NBAS: variants seen among roughly 807,000 people sequenced by gnomAD.
NBAS encodes NBAS subunit of NRZ tethering complex.
Under a neutral mutation model 302.5 loss-of-function variants are expected in NBAS, and 219 were observed. The observed-to-expected ratio is 0.72, with a 90% CI of 0.65 to 0.81. The LOEUF (loss-of-function observed/expected upper bound fraction) is 0.81, where lower values mean the gene tolerates loss of function less well. NBAS is among the 30% of genes least tolerant of loss of function. NBAS has a pLI of 0.00. For missense variants in NBAS, 2,932 were observed against 2,841.6 expected (o/e 1.03, Z -0.72); for synonymous variants, 1,118 against 1,021.6 (o/e 1.09, Z -1.80).
the NBAS span, among the ~76,000 whole-genome samples, chr2:14,925,698 A>G: frequency 0.11 from 16,681 of 152,166 alleles, 1,002 homozygotes; most frequent in African/African-American, 0.15. Flanking sequence ...ATGGTTTATC[A>G]CTGCCTCCTC....
At chr2:15,424,246 G>A in intron 23 of NBAS, 69 bp downstream of exon 23, 1 of 1,565,786 alleles carries the variant, frequency 6.4e-7, no homozygotes, top group South Asian at 1.1e-5. Context: ...CCGACTCCGT[G>A]TACTGAATCC....
the NBAS span, among the ~76,000 whole-genome samples, chr2:14,860,998 T>C: frequency 6.6e-6 from 1 of 152,304 alleles, no homozygotes; most frequent in South Asian, 2.1e-4. Flanking sequence ...TTTTAAAAAA[T>C]AAATTAAAAT....
chr2:15,181,406 G>C lies in NBAS; in HGVS notation c.6712-2290C>G, dbSNP rs141982747. On this transcript the variant is annotated intron_variant, in intron 50 of 51. Transcript: ENST00000281513. ...ACTACTTTTCATCTCTTAGCTACCA[G>C]TGATTGGCCAAATACTTACTCTATC... is the stretch of plus-strand genomic sequence containing the variant. 1.6e-3 allele frequency among the ~76,000 whole-genome samples: 237 copies of C among 152,308 alleles called. 3 individuals carry two copies. The East Asian group carries it at 0.019, about 12-fold the overall frequency.
chr2:15,292,539 T>C lies in NBAS; in HGVS notation c.5025A>G (p.Ala1675=), dbSNP rs776764891. 6 of 1,614,020 alleles carry C rather than the reference T, an allele frequency of 3.7e-6. No homozygotes were observed. In the African/African-American group the frequency reaches 8.0e-5, roughly 22 times the overall value. The part of the protein sequence containing the change: ...QYKRETILGL[A]ETLEESVYSI... Reference sequence around the variant, plus strand: ...ATGAAACAAAGGGTATCACTTACTCTGCCAGACCAAGGATAGTTTCCCTTT... The same window carrying C: ...ATGAAACAAAGGGTATCACTTACTCCGCCAGACCAAGGATAGTTTCCCTTT... Residue 1675 remains alanine, a splice_region_variant and synonymous_variant, in exon 41 of 52, where the codon GCA becomes GCG. Coordinates refer to ENST00000281513, the MANE Select transcript of NBAS (RefSeq NM_015909.4).
chr2:14,884,647 A>G, the NBAS span, among the ~76,000 whole-genome samples: 21 of 152,318 alleles, frequency 1.4e-4, 1 homozygote, highest in South Asian at 3.3e-3. Context: ...CACTGAGAAT[A>G]CTGTGGTAAG....
intron 51 of NBAS, among the ~76,000 whole-genome samples, chr2:15,174,374 C>T (rs1401837347): frequency 6.6e-6 from 1 of 152,184 alleles, no homozygotes; most frequent in Non-Finnish European, 1.5e-5. Flanking sequence ...GAAGGACTGT[C>T]ACTGGAAGAA....
chr2:15,230,222 C>A (rs1572489188), intron 47 of NBAS, among the ~76,000 whole-genome samples: 1 of 152,074 alleles, frequency 6.6e-6, no homozygotes, highest in African/African-American at 2.4e-5. Flanking sequence ...TGCAAAGACC[C>A]TCCTTAGAAC....
At chr2:14,931,426 C>A in the NBAS span, among the ~76,000 whole-genome samples, 3 of 152,134 alleles carry the variant, frequency 2.0e-5, no homozygotes, top group East Asian at 5.8e-4. Flanking sequence ...GATGACAAAC[C>A]CGTAGGCCTA....
At chr2:15,089,224 C>T in the NBAS span, among the ~76,000 whole-genome samples, 3 of 152,130 alleles carry the variant, frequency 2.0e-5, no homozygotes, top group Non-Finnish European at 4.4e-5. Flanking sequence ...TCAAGCAATC[C>T]TCCTGCTTCG....
the NBAS span, among the ~76,000 whole-genome samples, chr2:15,118,861 G>A: frequency 0.14 from 20,694 of 152,118 alleles, 2,683 homozygotes; most frequent in African/African-American, 0.33. Context: ...TAATAAACAC[G>A]GTTGTCTTCA....
chr2:14,937,091 G>GA, the NBAS span, among the ~76,000 whole-genome samples: 1 of 152,140 alleles, frequency 6.6e-6, no homozygotes, highest in African/African-American at 2.4e-5. Context: ...GAACAGAACA[G>GA]AAAAAACATA....
chr2:15,498,611 C>T (rs1681160286), intron 11 of NBAS, among the ~76,000 whole-genome samples: 1 of 152,134 alleles, frequency 6.6e-6, no homozygotes, highest in South Asian at 2.1e-4. Context: ...GCGTCCCCAC[C>T]CAAATCCCAT....
At chr2:14,779,293 T>C in the NBAS span, among the ~76,000 whole-genome samples, 1 of 152,200 alleles carries the variant, frequency 6.6e-6, no homozygotes, top group Non-Finnish European at 1.5e-5. Flanking sequence ...AGTGACCTCC[T>C]AACAGGTATC....
chr2:14,831,768 C>T, the NBAS span, among the ~76,000 whole-genome samples: 11 of 152,272 alleles, frequency 7.2e-5, no homozygotes, highest in East Asian at 5.8e-4. Flanking sequence ...CTAGTACCCT[C>T]ATGGGTAACA....
At chr2:14,962,770 T>G in the NBAS span, among the ~76,000 whole-genome samples, 1 of 152,170 alleles carries the variant, frequency 6.6e-6, no homozygotes, top group South Asian at 2.1e-4. Context: ...TACCCCTACT[T>G]TTCACTGATG....
chr2:14,936,189 A>G, the NBAS span, among the ~76,000 whole-genome samples: 1 of 152,210 alleles, frequency 6.6e-6, no homozygotes, highest in Non-Finnish European at 1.5e-5. Context: ...CACTGCAGGA[A>G]AAACCATAGC....
chr2:15,003,084 A>T, the NBAS span, among the ~76,000 whole-genome samples: 1 of 152,252 alleles, frequency 6.6e-6, no homozygotes, highest in Non-Finnish European at 1.5e-5. Context: ...GACTGCCAGC[A>T]CACTGTCACC....
At chr2:15,344,641 A>T (rs1673004674) in intron 35 of NBAS, among the ~76,000 whole-genome samples, 1 of 152,062 alleles carries the variant, frequency 6.6e-6, no homozygotes, top group South Asian at 2.1e-4. Flanking sequence ...AAAAGGAGGG[A>T]CTCCTCCCTA....
intron 10 of NBAS, among the ~76,000 whole-genome samples, chr2:15,506,104 T>C (rs1661836349): frequency 6.7e-6 from 1 of 150,074 alleles, no homozygotes; most frequent in African/African-American, 2.5e-5. Context: ...AAGGGAGAGG[T>C]AAAAAGAGTA....
Sources: allele counts gnomAD v4.1 joint callset (sites outside exome capture counted in the v4.1 genomes callset), GRCh38; gene constraint gnomAD v4.1.1; transcripts MANE v1.5; gene names NCBI Gene and HGNC (gene_info 2026-07-23, HGNC 2026-07-21).